The following BCL11A variants were observed in gnomAD, a reference collection of about 807,000 sequenced individuals.
BCL11A encodes the protein B cell CLL/lymphoma 11A.
Under a neutral mutation model 55.9 loss-of-function variants are expected in BCL11A, and 2 were observed. The observed-to-expected ratio is 0.04, with a 90% CI of 0.01 to 0.11. The LOEUF (loss-of-function observed/expected upper bound fraction) is 0.11, where lower values mean the gene tolerates loss of function less well. Among genes scored for constraint, BCL11A ranks in the 10% least tolerant of loss-of-function variants. The pLI is 1.00. For synonymous variants in BCL11A, 465 were observed against 473.4 expected, an observed-to-expected ratio of 0.98 and a Z score of 0.23; for missense variants, 817 against 1,137.1, an observed-to-expected ratio of 0.72 and a Z score of 4.05.
At chr2:60,471,011 C>A (rs535427996) in intron 2 of BCL11A, among the ~76,000 whole-genome samples, 2 of 152,290 alleles carry the variant, frequency 1.3e-5, no homozygotes, top group Admixed American at 6.5e-5. Context: ...TCTCTTCCCC[C>A]CTGCTGCTCC....
chr2:60,510,072 C>T (rs945046913), intron 2 of BCL11A, among the ~76,000 whole-genome samples: 1 of 152,182 alleles, frequency 6.6e-6, no homozygotes, highest in Non-Finnish European at 1.5e-5. Flanking sequence ...GTCCCCACCA[C>T]CCTGGTCCAC....
downstream of BCL11A, among the ~76,000 whole-genome samples, chr2:60,456,089 A>G (rs1203979895): frequency 6.6e-6 from 1 of 152,116 alleles, no homozygotes. Context: ...CTTTCTTTAT[A>G]CTTTAGAAAG....
intron 2 of BCL11A, chr2:60,542,872 T>C (rs191178863): frequency 4.3e-4 from 65 of 151,666 alleles, no homozygotes; most frequent in African/African-American, 1.5e-3. Context: ...CTACTGAAAA[T>C]ACAAAAAACT....
Position 60,460,352 on chromosome 2 carries a change from T to G in BCL11A, c.*52A>C. On this transcript the variant is annotated 3_prime_UTR_variant, in exon 4 of 4. Coordinates refer to ENST00000642384, the MANE Select transcript of BCL11A (RefSeq NM_022893.4). ...GCTGGAGGGCGATGGGGAAGGGGAGTGGTGAAAAAGGGGGTGTCAGGTGGG... is the reference window on the plus strand; with the variant it reads ...GCTGGAGGGCGATGGGGAAGGGGAGGGGTGAAAAAGGGGGTGTCAGGTGGG... The G allele has an allele frequency of 5.9e-6, 9 of 1,535,836 alleles. No homozygotes were observed. The highest frequency in any genetic ancestry group is 7.9e-6 in the Non-Finnish European group (9 of 1,135,570).
intron 2 of BCL11A, among the ~76,000 whole-genome samples, chr2:60,517,564 C>T (rs1015061963): frequency 6.6e-6 from 1 of 152,220 alleles, no homozygotes; most frequent in Admixed American, 6.5e-5. Context: ...AAAAGCATTC[C>T]AGCCATCACC....
downstream of BCL11A, among the ~76,000 whole-genome samples, chr2:60,455,318 C>A (rs547257230): frequency 6.6e-6 from 1 of 152,042 alleles, no homozygotes; most frequent in South Asian, 2.1e-4. Context: ...ATGAATTCAT[C>A]TTACTATTGG....
intron 2 of BCL11A, among the ~76,000 whole-genome samples, chr2:60,504,374 G>A (rs890397185): frequency 6.6e-6 from 1 of 152,194 alleles, no homozygotes; most frequent in African/African-American, 2.4e-5. Flanking sequence ...AAAAGGCAGA[G>A]GAGGCCACCT....
At chr2:60,486,183 C>T (rs1467952924) in intron 2 of BCL11A, among the ~76,000 whole-genome samples, 1 of 152,146 alleles carries the variant, frequency 6.6e-6, no homozygotes, top group African/African-American at 2.4e-5. Context: ...CCTAGGGAGA[C>T]TGGTACTGGG....
At chr2:60,499,047 G>C (rs541705379) in intron 2 of BCL11A, among the ~76,000 whole-genome samples, 2 of 152,294 alleles carry the variant, frequency 1.3e-5, no homozygotes, top group African/African-American at 4.8e-5. Flanking sequence ...CATCCAAAGG[G>C]AAGAATGCTA....
At chr2:60,451,781 G>A (rs935251197) in exon 5 of BCL11A, 2 of 230,176 alleles carry the variant, frequency 8.7e-6, no homozygotes, top group African/African-American at 4.4e-5. Flanking sequence ...AATCCTGCAT[G>A]GTAGCCACCA....
Position 60,460,116 on chromosome 2 carries a change from G to A in BCL11A, c.*288C>T, listed in dbSNP as rs1168470087. ...GAAAGGCTCAAAGTTTGCGTAAAATGCAATAGTATTGCCCCATACAGATCA... is the reference window on the plus strand; with the variant it reads ...GAAAGGCTCAAAGTTTGCGTAAAATACAATAGTATTGCCCCATACAGATCA... On this transcript the variant is annotated 3_prime_UTR_variant, in exon 4 of 4. Coordinates refer to ENST00000642384, the MANE Select transcript of BCL11A (RefSeq NM_022893.4). The A allele has an allele frequency of 2.6e-6, 3 of 1,134,636 alleles. No individual in the cohort carries two copies. The highest frequency in any genetic ancestry group is 3.2e-6 in the Non-Finnish European group (3 of 929,158). The allele number at this position is 1,134,636 out of a possible 1,614,324, so 70.3% of individuals were successfully genotyped here.
At chr2:60,519,783 C>G (rs1668897860) in intron 2 of BCL11A, among the ~76,000 whole-genome samples, 1 of 152,174 alleles carries the variant, frequency 6.6e-6, no homozygotes, top group Non-Finnish European at 1.5e-5. Flanking sequence ...AGAAAGGGCT[C>G]CCAGTCACAT....
intron 2 of BCL11A, chr2:60,538,131 G>A (rs1669753613): frequency 6.6e-6 from 1 of 152,178 alleles, no homozygotes; most frequent in African/African-American, 2.4e-5. Context: ...GGGTGTGCAA[G>A]GCGCCTTCTC....
At chr2:60,517,007 G>T (rs2104526341) in intron 2 of BCL11A, among the ~76,000 whole-genome samples, 1 of 152,338 alleles carries the variant, frequency 6.6e-6, no homozygotes, top group South Asian at 2.1e-4. Context: ...ATGGAATGAA[G>T]AATGTAAAAT....
chr2:60,486,245 G>A (rs1678268395), intron 2 of BCL11A, among the ~76,000 whole-genome samples: 2 of 152,150 alleles, frequency 1.3e-5, no homozygotes, highest in Non-Finnish European at 2.9e-5. Context: ...TCCAGAGAAT[G>A]ACTTGTGATT....
intron 2 of BCL11A, among the ~76,000 whole-genome samples, chr2:60,490,634 C>T (rs188706265): frequency 6.6e-6 from 1 of 152,316 alleles, no homozygotes; most frequent in East Asian, 1.9e-4. Context: ...CTCCCTGACT[C>T]ATATCTAGGC....
chr2:60,496,484 G>C (rs1678957385), intron 2 of BCL11A: 1 of 152,278 alleles, frequency 6.6e-6, no homozygotes, highest in African/African-American at 2.4e-5. Flanking sequence ...CACAGCAAAA[G>C]TGAGTTCAGA....
intron 2 of BCL11A, among the ~76,000 whole-genome samples, chr2:60,501,922 A>C (rs567395634): frequency 3.9e-4 from 60 of 152,282 alleles, no homozygotes; most frequent in African/African-American, 1.3e-3. Context: ...CTACATTCCA[A>C]AACAGCCTTT....
chr2:60,494,224 G>C (rs1381745635), intron 2 of BCL11A, among the ~76,000 whole-genome samples: 4 of 152,182 alleles, frequency 2.6e-5, no homozygotes, highest in Non-Finnish European at 4.4e-5. Flanking sequence ...AAGAGTGAGA[G>C]AGGGTGATGC....
Sources: allele counts gnomAD v4.1 joint callset (sites outside exome capture counted in the v4.1 genomes callset), GRCh38; gene constraint gnomAD v4.1.1; transcripts MANE v1.5; gene names NCBI Gene and HGNC (gene_info 2026-07-23, HGNC 2026-07-21).